NRG1: variants seen among roughly 807,000 people sequenced by gnomAD.
The protein encoded by NRG1 is pro-neuregulin-1, membrane-bound isoform.
NRG1 carries 18 observed loss-of-function variants against 63.8 expected under a neutral mutation model. The ratio of observed to expected loss-of-function variants is 0.28; its 90% CI spans 0.19 to 0.42. NRG1 has a LOEUF of 0.42. NRG1 is among the 10% of genes least tolerant of loss of function. NRG1 has a pLI of 1.00. For synonymous variants in NRG1, 302 were observed against 301.3 expected, an observed-to-expected ratio of 1.00 and a Z score of -0.02; for missense variants, 762 against 814.7, an observed-to-expected ratio of 0.94 and a Z score of 0.79.
intron 1 of NRG1, among the ~76,000 whole-genome samples, chr8:31,644,380 G>C (rs1194483706): frequency 1.3e-5 from 2 of 152,122 alleles, no homozygotes; most frequent in East Asian, 3.8e-4. Flanking sequence ...TAGGTCATTT[G>C]GGAGAAGAAC....
At chr8:31,858,065 C>T (rs765365846) in intron 1 of NRG1, among the ~76,000 whole-genome samples, 31 of 152,082 alleles carry the variant, frequency 2.0e-4, no homozygotes, top group Non-Finnish European at 2.6e-4. Context: ...TTTGGGAGGC[C>T]GAGGCGGGCA....
At chr8:32,249,415 C>T (rs1848881634) in intron 1 of NRG1, among the ~76,000 whole-genome samples, 1 of 152,112 alleles carries the variant, frequency 6.6e-6, no homozygotes, top group Admixed American at 6.6e-5. Context: ...AATCACAAAA[C>T]TTACTGTTTC....
intron 1 of NRG1, among the ~76,000 whole-genome samples, chr8:32,435,305 A>G (rs185914037): frequency 2.0e-5 from 3 of 152,288 alleles, no homozygotes; most frequent in African/African-American, 7.2e-5. Flanking sequence ...AGAGTTCTCA[A>G]AAAATTTCTT....
intron 1 of NRG1, among the ~76,000 whole-genome samples, chr8:32,439,617 T>C (rs908965715): frequency 6.6e-6 from 1 of 152,060 alleles, no homozygotes; most frequent in African/African-American, 2.4e-5. Context: ...ATTTTCAAAA[T>C]ACATCAGAAC....
At chr8:31,912,689 T>C (rs1386852749) in intron 1 of NRG1, among the ~76,000 whole-genome samples, 1 of 151,620 alleles carries the variant, frequency 6.6e-6, no homozygotes, top group African/African-American at 2.4e-5. Flanking sequence ...ATTCCAAATA[T>C]TTTAGTGGGC....
chr8:31,770,384 G>A (rs1435090608), intron 1 of NRG1, among the ~76,000 whole-genome samples: 2 of 152,052 alleles, frequency 1.3e-5, no homozygotes, highest in African/African-American at 4.8e-5. Flanking sequence ...GATGGTTCTG[G>A]TACTGAAATG....
intron 1 of NRG1, among the ~76,000 whole-genome samples, chr8:31,983,496 C>T (rs920399755): frequency 6.6e-6 from 1 of 152,046 alleles, no homozygotes; most frequent in Admixed American, 6.6e-5. Flanking sequence ...CCTCCTACCT[C>T]AGCCTCCAGA....
chr8:31,782,328 T>C (rs577987907), intron 1 of NRG1, among the ~76,000 whole-genome samples: 23 of 152,162 alleles, frequency 1.5e-4, no homozygotes, highest in Non-Finnish European at 2.9e-4. Flanking sequence ...ACCATGTTAT[T>C]CATGAGGCTT....
At chr8:32,495,346 C>T (rs1027327161) in intron 1 of NRG1, among the ~76,000 whole-genome samples, 4 of 152,198 alleles carry the variant, frequency 2.6e-5, no homozygotes, top group African/African-American at 7.2e-5. Flanking sequence ...CCATGTAAGA[C>T]GTGACTTTGT....
intron 1 of NRG1, among the ~76,000 whole-genome samples, chr8:31,952,789 C>T (rs1343775333): frequency 6.6e-6 from 1 of 152,200 alleles, no homozygotes; most frequent in East Asian, 1.9e-4. Context: ...GCTTTCCCTG[C>T]TGAAACCTTG....
chr8:32,293,971 G>C (rs1854535402), intron 1 of NRG1, among the ~76,000 whole-genome samples: 1 of 151,958 alleles, frequency 6.6e-6, no homozygotes, highest in South Asian at 2.1e-4. Context: ...GCCCACCTGG[G>C]CCTCCCAAAC....
At chr8:31,857,342 A>T (rs993197182) in intron 1 of NRG1, among the ~76,000 whole-genome samples, 1 of 152,218 alleles carries the variant, frequency 6.6e-6, no homozygotes, top group Non-Finnish European at 1.5e-5. Flanking sequence ...CGGTTGGAAA[A>T]GCGCAGTATT....
intron 1 of NRG1, among the ~76,000 whole-genome samples, chr8:31,954,308 T>G (rs1004761536): frequency 2.6e-5 from 4 of 152,178 alleles, no homozygotes; most frequent in African/African-American, 9.7e-5. Flanking sequence ...AGCTAGTCAA[T>G]GGCAAAGTGG....
intron 1 of NRG1, among the ~76,000 whole-genome samples, chr8:32,232,798 T>G (rs1847097214): frequency 6.6e-6 from 1 of 152,138 alleles, no homozygotes; most frequent in African/African-American, 2.4e-5. Flanking sequence ...CAGGATCCCT[T>G]ACATAAAAAC....
At chr8:32,300,024 A>C (rs1210890613) in intron 1 of NRG1, among the ~76,000 whole-genome samples, 2 of 152,190 alleles carry the variant, frequency 1.3e-5, no homozygotes, top group African/African-American at 2.4e-5. Flanking sequence ...TAAATAATTG[A>C]ACAATAGGAG....
At chr8:32,769,825 G>C (rs1207811844), downstream of NRG1, among the ~76,000 whole-genome samples, 3 of 152,128 alleles carry the variant, frequency 2.0e-5, no homozygotes, top group East Asian at 3.9e-4. Flanking sequence ...TTAGGCTCCT[G>C]TTGACCTCCT....
intron 1 of NRG1, among the ~76,000 whole-genome samples, chr8:31,942,877 G>GA (rs34734344): frequency 0.82 from 121,279 of 147,356 alleles, 50,483 homozygotes; most frequent in Non-Finnish European, 0.89. Context: ...ATAATAAAAA[G>GA]AAAAAAAAAA....
chr8:32,501,550 G>A (rs1827854362), intron 1 of NRG1, among the ~76,000 whole-genome samples: 1 of 152,130 alleles, frequency 6.6e-6, no homozygotes, highest in Non-Finnish European at 1.5e-5. Context: ...TTTGATTTAG[G>A]GAAGTTGTGA....
intron 1 of NRG1, among the ~76,000 whole-genome samples, chr8:32,200,242 T>G (rs1016647009): frequency 6.6e-6 from 1 of 152,224 alleles, no homozygotes; most frequent in African/African-American, 2.4e-5. Flanking sequence ...TTTGAAGATG[T>G]CTTTTTGGAT....
Sources: allele counts gnomAD v4.1 joint callset (sites outside exome capture counted in the v4.1 genomes callset), GRCh38; gene constraint gnomAD v4.1.1; transcripts MANE v1.5; gene names NCBI Gene and HGNC (gene_info 2026-07-23, HGNC 2026-07-21).